The following LIMCH1 variants were observed in gnomAD, a reference collection of about 807,000 sequenced individuals.
LIMCH1 encodes the protein LIM and calponin homology domains-containing protein 1.
LIMCH1 carries 113 observed loss-of-function variants against 176.5 expected under a neutral mutation model. That is an observed-to-expected ratio of 0.64 (90% CI 0.55 to 0.75). LIMCH1 has a LOEUF of 0.75. Among genes scored for constraint, LIMCH1 ranks in the 30% least tolerant of loss-of-function variants. The probability of loss-of-function intolerance (pLI) is 0.00; values close to 1 mark genes in which losing one functional copy is unlikely to be tolerated. For missense variants in LIMCH1, 1,674 were observed against 1,814.9 expected (o/e 0.92, Z 1.41); for synonymous variants, 619 against 645.9 (o/e 0.96, Z 0.63).
At chr4:41,546,304 A>C (rs1400618945) in intron 1 of LIMCH1, among the ~76,000 whole-genome samples, 3 of 151,444 alleles carry the variant, frequency 2.0e-5, no homozygotes, top group Non-Finnish European at 4.4e-5. Context: ...ATGCCCAACT[A>C]ATTTTTGTAA....
At chr4:41,495,826 A>AT (rs1293942765) in intron 2 of LIMCH1, among the ~76,000 whole-genome samples, 4 of 152,032 alleles carry the variant, frequency 2.6e-5, no homozygotes, top group Admixed American at 1.3e-4. Flanking sequence ...TCCTGTCAGC[A>AT]TTTTTTTCTG....
At chr4:41,525,476 G>C (rs1385262959) in intron 3 of LIMCH1, among the ~76,000 whole-genome samples, 1 of 152,180 alleles carries the variant, frequency 6.6e-6, no homozygotes, top group Non-Finnish European at 1.5e-5. Flanking sequence ...TTGTGTTTGA[G>C]AATTGTGGGG....
chr4:41,486,944 G>T (rs2069660361), intron 1 of LIMCH1, among the ~76,000 whole-genome samples: 1 of 141,844 alleles, frequency 7.1e-6, no homozygotes. Context: ...ACCACGCCCA[G>T]CTGATATATA....
chr4:41,496,716 C>T (rs2072218923), intron 2 of LIMCH1, among the ~76,000 whole-genome samples: 1 of 152,134 alleles, frequency 6.6e-6, no homozygotes, highest in African/African-American at 2.4e-5. Context: ...GGACTTGTAT[C>T]CCAAGGCCAA....
intron 2 of LIMCH1, among the ~76,000 whole-genome samples, chr4:41,511,820 A>C (rs2074960487): frequency 6.6e-6 from 1 of 152,234 alleles, no homozygotes; most frequent in African/African-American, 2.4e-5. Context: ...AAACTCTTAG[A>C]ATAAAACATG....
intron 1 of LIMCH1, among the ~76,000 whole-genome samples, chr4:41,401,515 G>T (rs1402244986): frequency 6.6e-6 from 1 of 152,090 alleles, no homozygotes; most frequent in Non-Finnish European, 1.5e-5. Context: ...GGTGATGCGG[G>T]CTCTTTTTTG....
intron 2 of LIMCH1, among the ~76,000 whole-genome samples, chr4:41,502,098 G>C (rs2073410252): frequency 2.1e-5 from 3 of 140,128 alleles, no homozygotes; most frequent in Non-Finnish European, 4.5e-5. Context: ...AGTGTGTGTT[G>C]TTCCCCCTAT....
rs754266566 is a variant in LIMCH1 at position 41,687,901 on chromosome 4, G to T, written c.4150G>T (p.Gly1384Cys). Residue 1384 changes from glycine to cysteine, a missense_variant, in exon 29 of 32, where the codon GGT (glycine) becomes TGT (cysteine). Transcript: ENST00000503057. ...CTCTCCCTGTTCTCCCACCCCTCCC[G>T]GTCAGTCACCAAACAGGTACAAGAG... ...PFSPCSPTPP[G>C]QSPNRSISGK... The T allele has an allele frequency of 1.9e-6, 3 of 1,612,690 alleles. No homozygotes were observed. In the South Asian group the frequency reaches 3.3e-5, roughly 18 times the overall value.
intron 1 of LIMCH1, among the ~76,000 whole-genome samples, chr4:41,369,231 A>T (rs1471423067): frequency 6.6e-6 from 1 of 152,134 alleles, no homozygotes. Flanking sequence ...AGTCGTGATC[A>T]CATCACCTTT....
intron 1 of LIMCH1, among the ~76,000 whole-genome samples, chr4:41,441,852 T>G (rs2062733070): frequency 6.6e-6 from 1 of 152,198 alleles, no homozygotes; most frequent in African/African-American, 2.4e-5. Context: ...CAATATTAAT[T>G]TTATAGGTTT....
At chr4:41,507,783 TA>T (rs2074363822) in intron 2 of LIMCH1, among the ~76,000 whole-genome samples, 1 of 148,492 alleles carries the variant, frequency 6.7e-6, no homozygotes, top group African/African-American at 2.5e-5. Context: ...CTGACCTTTA[TA>T]GGAACCCACT....
intron 2 of LIMCH1, chr4:41,524,396 T>G: frequency 6.2e-7 from 1 of 1,609,982 alleles, no homozygotes; most frequent in Non-Finnish European, 8.5e-7. Flanking sequence ...ACATTCTGCC[T>G]TTTTCATGAC....
At chr4:41,556,640 AT>A (rs2081311618) in intron 1 of LIMCH1, among the ~76,000 whole-genome samples, 1 of 152,120 alleles carries the variant, frequency 6.6e-6, no homozygotes, top group South Asian at 2.1e-4. Flanking sequence ...ACTTAGATGA[AT>A]TAAGTCAAGC....
intron 1 of LIMCH1, among the ~76,000 whole-genome samples, chr4:41,440,940 T>A (rs1213488106): frequency 6.6e-6 from 1 of 151,910 alleles, no homozygotes; most frequent in East Asian, 1.9e-4. Context: ...AATATGAATA[T>A]GTGGCAGAAT....
chr4:41,433,864 A>G (rs970822396), intron 1 of LIMCH1, among the ~76,000 whole-genome samples: 1 of 152,072 alleles, frequency 6.6e-6, no homozygotes, highest in Non-Finnish European at 1.5e-5. Context: ...ATGTCCCTAT[A>G]GGAGGAAACG....
rs571516730 is a variant in LIMCH1, at chr4:41,375,143, C to T, written c.96+14207C>T. Reference sequence around the variant, plus strand: ...ATTTTATTAAAAATGTGGTAATATACAAGAACACACAGATGATAAGGGAAG... The same window carrying T: ...ATTTTATTAAAAATGTGGTAATATATAAGAACACACAGATGATAAGGGAAG... On this transcript the variant is annotated intron_variant, in intron 1 of 26. Transcript: ENST00000313860. 1.7e-4 allele frequency among the ~76,000 whole-genome samples: 26 copies of T among 152,114 alleles called. No homozygotes were observed. In the South Asian group the frequency reaches 5.0e-3, roughly 29 times the overall value.
intron 14 of LIMCH1, among the ~76,000 whole-genome samples, chr4:41,643,732 A>G (rs966710257): frequency 6.6e-6 from 1 of 152,246 alleles, no homozygotes; most frequent in Non-Finnish European, 1.5e-5. Context: ...GACTGTGTGC[A>G]TATTAGAATA....
chr4:41,617,079 A>G (rs988816621), intron 5 of LIMCH1, among the ~76,000 whole-genome samples: 3 of 152,000 alleles, frequency 2.0e-5, no homozygotes, highest in Middle Eastern at 3.4e-3. Flanking sequence ...ATAAATATAT[A>G]TCTATATCTA....
intron 1 of LIMCH1, among the ~76,000 whole-genome samples, chr4:41,439,203 G>A (rs757017728): frequency 3.3e-5 from 5 of 152,128 alleles, no homozygotes; most frequent in Admixed American, 6.5e-5. Flanking sequence ...AAGTCAGATG[G>A]GGACATAATT....
Sources: allele counts gnomAD v4.1 joint callset (sites outside exome capture counted in the v4.1 genomes callset), GRCh38; gene constraint gnomAD v4.1.1; transcripts MANE v1.5; gene names NCBI Gene and HGNC (gene_info 2026-07-23, HGNC 2026-07-21).